Variants in TACC1 observed in about 807,000 individuals in gnomAD.
TACC1 encodes transforming acidic coiled-coil containing protein 1, also known as transforming acidic coiled-coil-containing protein 1.
A neutral mutation model predicts 84.4 loss-of-function variants in TACC1; 48 were observed. The observed-to-expected ratio is 0.57, with a 90% confidence interval of 0.45 to 0.72. The LOEUF is 0.72. Ranked by LOEUF, TACC1 falls within the 30% of genes least tolerant of loss-of-function variation. The pLI, the probability that TACC1 is intolerant of heterozygous loss-of-function variation, is 0.00. For synonymous variants in TACC1, 372 were observed against 376.3 expected, an observed-to-expected ratio of 0.99 and a Z score of 0.13; for missense variants, 920 against 973.0, an observed-to-expected ratio of 0.95 and a Z score of 0.72.
intron 3 of TACC1, among the ~76,000 whole-genome samples, chr8:38,749,075 A>G (rs1196279776): frequency 6.6e-6 from 1 of 152,182 alleles, no homozygotes; most frequent in East Asian, 1.9e-4. Flanking sequence ...AAAATGAACA[A>G]TATCAAGAAT....
At position 38,851,028 on chromosome 8, in the gene TACC1, A is replaced by G. The variant is rs1833018007; in HGVS notation, c.*3005A>G. On this transcript the variant is annotated 3_prime_UTR_variant, in exon 13 of 13. Coordinates refer to ENST00000317827, the MANE Select transcript of TACC1 (RefSeq NM_006283.3). ...CAGATAGTCACAGTCAAGGTTGGAG[A>G]GTCTCCTTCCAGCCAGTGACCTACC... is the stretch of plus-strand genomic sequence containing the variant. 1 of 152,518 alleles carries G rather than the reference A, an allele frequency of 6.6e-6. No homozygotes were observed. The highest frequency in any genetic ancestry group is 1.5e-5 in the Non-Finnish European group (1 of 68,028). 9.4% of individuals were successfully genotyped at this position (152,518 alleles called of 1,614,324 possible).
At chr8:38,839,535 G>C (rs1830821938) in intron 8 of TACC1, 1 of 330,180 alleles carries the variant, frequency 3.0e-6, no homozygotes, top group Admixed American at 4.9e-5. Context: ...TGGAAAGGAA[G>C]GGACATTCCT....
intron 2 of TACC1, among the ~76,000 whole-genome samples, chr8:38,809,100 C>G (rs545258920): frequency 3.3e-5 from 5 of 152,126 alleles, no homozygotes; most frequent in Admixed American, 3.3e-4. Context: ...GGGGACTGAG[C>G]GGGGTGGTGT....
rs1223256424 is a variant in TACC1 at position 38,787,437 on chromosome 8, C to T, written c.-146C>T. The T allele has an allele frequency of 7.4e-7, 1 of 1,357,500 alleles. No homozygotes were observed. Among genetic ancestry groups the T allele is most frequent in the Non-Finnish European group, 9.4e-7 (1 of 1,061,288 alleles). 84.1% of individuals were successfully genotyped at this position (1,357,500 alleles called of 1,614,324 possible). A position where few individuals can be genotyped will look rare whatever the true frequency, so the allele number is the denominator to read the frequency against. ...GGGAGGAAGCGCTCCACCAGGGCCCCCGACGGCACTCGTTTAACCACATCC... is the reference window on the plus strand; with the variant it reads ...GGGAGGAAGCGCTCCACCAGGGCCCTCGACGGCACTCGTTTAACCACATCC... On this transcript the variant is annotated 5_prime_UTR_variant, in exon 1 of 13. Transcript: ENST00000317827.
rs1832831952 is a variant in TACC1, at chr8:38,849,598, T to G, written c.*1575T>G. On this transcript the variant is annotated 3_prime_UTR_variant, in exon 13 of 13. Transcript: ENST00000317827. ...ACCTCTATAGATCTTAAAAAATGAA[T>G]TATTCTTTAGCAGTGTATTACTCAC... 1 of 152,248 alleles carries G rather than the reference T, an allele frequency of 6.6e-6. No individual in the cohort carries two copies. Among genetic ancestry groups the G allele is most frequent in the South Asian group, 2.1e-4 (1 of 4,836 alleles). 9.4% of individuals were successfully genotyped at this position (152,248 alleles called of 1,614,324 possible). A position where few individuals can be genotyped will look rare whatever the true frequency, so the allele number is the denominator to read the frequency against.
intron 3 of TACC1, among the ~76,000 whole-genome samples, chr8:38,758,702 A>G (rs1312946916): frequency 1.3e-5 from 2 of 150,696 alleles, no homozygotes; most frequent in African/African-American, 4.9e-5. Flanking sequence ...AAAAAAAAAA[A>G]AAGCTGAGAT....
intron 1 of TACC1, among the ~76,000 whole-genome samples, chr8:38,734,113 G>C (rs1375742366): frequency 6.6e-6 from 1 of 152,160 alleles, no homozygotes; most frequent in Non-Finnish European, 1.5e-5. Context: ...AAAGAGGGGA[G>C]GGCTTCCACA....
At chr8:38,822,952 A>T (rs1034454570) in intron 3 of TACC1, among the ~76,000 whole-genome samples, 11 of 152,226 alleles carry the variant, frequency 7.2e-5, no homozygotes, top group African/African-American at 2.7e-4. Context: ...TTTACTAAAA[A>T]GTTTGAGTAA....
At chr8:38,790,653 G>T (rs902091529) in intron 2 of TACC1, among the ~76,000 whole-genome samples, 7 of 152,168 alleles carry the variant, frequency 4.6e-5, no homozygotes, top group Non-Finnish European at 7.3e-5. Context: ...CAACTTCTTC[G>T]TAGGTTGCCT....
chr8:38,819,370 A>G (rs1237505692), intron 2 of TACC1, 152 bp from the exon 3 acceptor site: 2 of 881,976 alleles, frequency 2.3e-6, no homozygotes, highest in Non-Finnish European at 3.4e-6. Context: ...CTTCTCTTTC[A>G]GGCTGTGCTG....
intron 3 of TACC1, among the ~76,000 whole-genome samples, chr8:38,745,772 G>T (rs965190368): frequency 6.6e-6 from 1 of 152,126 alleles, no homozygotes; most frequent in Non-Finnish European, 1.5e-5. Flanking sequence ...TTAAACTCCT[G>T]ACCTCAGGTG....
At chr8:38,812,013 A>G (rs1050349839) in intron 2 of TACC1, among the ~76,000 whole-genome samples, 1 of 152,170 alleles carries the variant, frequency 6.6e-6, no homozygotes, top group Non-Finnish European at 1.5e-5. Context: ...TCTCTGTCTT[A>G]TGCGGTTGAG....
intron 3 of TACC1, among the ~76,000 whole-genome samples, chr8:38,780,744 A>G (rs531423650): frequency 6.6e-6 from 1 of 152,306 alleles, no homozygotes; most frequent in Non-Finnish European, 1.5e-5. Flanking sequence ...ATTGAAATCA[A>G]ATTAGCCCTG....
chr8:38,837,138 G>A (rs1437591385), intron 7 of TACC1, among the ~76,000 whole-genome samples: 1 of 135,232 alleles, frequency 7.4e-6, no homozygotes, highest in Non-Finnish European at 1.5e-5. Context: ...ATAAAATCTT[G>A]GCGCAGTAGC....
intron 2 of TACC1, among the ~76,000 whole-genome samples, chr8:38,804,596 C>T (rs1354745830): frequency 6.6e-6 from 1 of 152,032 alleles, no homozygotes; most frequent in Admixed American, 6.6e-5. Flanking sequence ...CCACTGTGCC[C>T]GGCCTGTTGC....
chr8:38,783,425 CT>C (rs781284271), upstream of TACC1, among the ~76,000 whole-genome samples: 328 of 141,392 alleles, frequency 2.3e-3, no homozygotes, highest in Middle Eastern at 7.6e-3. Context: ...AGAGTATTTT[CT>C]TTTTTTTTTT....
chr8:38,783,879 C>T (rs1816630533), upstream of TACC1, among the ~76,000 whole-genome samples: 2 of 152,118 alleles, frequency 1.3e-5, no homozygotes, highest in African/African-American at 4.8e-5. Flanking sequence ...TGTTTGTAGT[C>T]TACAGGTAAA....
chr8:38,777,220 C>A (rs1814982641), intron 3 of TACC1, among the ~76,000 whole-genome samples: 2 of 149,626 alleles, frequency 1.3e-5, no homozygotes, highest in Admixed American at 1.3e-4. Context: ...CACGCCACTG[C>A]ACTTCAGCCT....
At chr8:38,801,819 T>C (rs956603010) in intron 2 of TACC1, among the ~76,000 whole-genome samples, 9 of 152,252 alleles carry the variant, frequency 5.9e-5, no homozygotes, top group African/African-American at 2.2e-4. Flanking sequence ...AGTATTGCTG[T>C]CTTAACAATA....
Sources: gnomAD v4.1 joint callset for allele counts (sites outside exome capture counted in the v4.1 genomes callset) on GRCh38, gnomAD v4.1.1 for gene constraint, MANE v1.5 for transcripts, NCBI Gene and HGNC (gene_info 2026-07-23, HGNC 2026-07-21) for gene names.